PLD1: variants seen among roughly 807,000 people sequenced by gnomAD.
The protein encoded by PLD1 is choline phosphatase 1.
PLD1 carries 112 observed loss-of-function variants against 137.1 expected under a neutral mutation model. The observed-to-expected ratio is 0.82, with a 90% CI of 0.70 to 0.96. The LOEUF is 0.96. PLD1 is among the 40% of genes least tolerant of loss of function. The probability of loss-of-function intolerance (pLI) is 0.00; values close to 1 mark genes in which losing one functional copy is unlikely to be tolerated. For synonymous variants in PLD1, 431 were observed against 454.7 expected (o/e 0.95, Z 0.66); for missense variants, 1,321 against 1,342.0 (o/e 0.98, Z 0.24).
intron 1 of PLD1, among the ~76,000 whole-genome samples, chr3:171,800,412 T>C (rs1207289924): frequency 1.3e-5 from 2 of 152,172 alleles, no homozygotes; most frequent in Non-Finnish European, 1.5e-5. Context: ...TTTCACCATG[T>C]TGGCCAGGCT....
At chr3:171,608,582 A>G (rs1203197052) in intron 25 of PLD1, among the ~76,000 whole-genome samples, 1 of 152,212 alleles carries the variant, frequency 6.6e-6, no homozygotes. Context: ...CAGACTTTCA[A>G]TATGGCATAA....
At chr3:171,705,100 G>A (rs974387503) in intron 11 of PLD1, among the ~76,000 whole-genome samples, 4 of 152,166 alleles carry the variant, frequency 2.6e-5, no homozygotes, top group African/African-American at 4.8e-5. Flanking sequence ...AACAGGCTGG[G>A]GACCAGTTTG....
chr3:171,686,778 T>C lies in PLD1; in HGVS notation c.1774A>G (p.Ser592Gly). 6.4e-7 allele frequency: 1 copy of C among 1,551,774 alleles called. No homozygotes were observed. Among genetic ancestry groups the C allele is most frequent in the East Asian group, 2.2e-5 (1 of 44,448 alleles). The change falls in exon 16 of 27, where the codon AGT becomes GGT. Residue 592 changes from serine to glycine, a missense_variant. Physicochemically the swap from Ser to Gly is moderately conservative, Grantham distance 56. Transcript: ENST00000351298. ...STSSYFNHYR[S>G]HHNLIHGLKP... ...AAACCATGGATTAAATTGTGATGAC[T>C]TCTATAGTGATTAAAATAACCTAGA... is the stretch of plus-strand genomic sequence containing the variant.
chr3:171,681,160 A>G (rs983582155), intron 16 of PLD1, among the ~76,000 whole-genome samples: 1 of 152,226 alleles, frequency 6.6e-6, no homozygotes, highest in Non-Finnish European at 1.5e-5. Flanking sequence ...AGCTCATTTC[A>G]TAACTCACAG....
intron 11 of PLD1, among the ~76,000 whole-genome samples, 159 bp downstream of exon 11, chr3:171,708,596 C>T (rs1282996094): frequency 6.6e-6 from 1 of 152,094 alleles, no homozygotes; most frequent in Non-Finnish European, 1.5e-5. Context: ...TTTGAAAAGG[C>T]CTTTCACTGA....
chr3:171,737,815 T>C, intron 2 of PLD1, 77 bp downstream of exon 2: 2 of 1,477,044 alleles, frequency 1.4e-6, no homozygotes, highest in East Asian at 2.3e-5. Flanking sequence ...AATCATTTGC[T>C]GGTTACTTCA....
At chr3:171,786,049 T>A (rs1445600043) in intron 1 of PLD1, among the ~76,000 whole-genome samples, 2 of 152,184 alleles carry the variant, frequency 1.3e-5, no homozygotes, top group Non-Finnish European at 2.9e-5. Flanking sequence ...GTTTCTTGGG[T>A]TGACTTTCCA....
At chr3:171,614,507 T>C (rs1007439266) in intron 24 of PLD1, among the ~76,000 whole-genome samples, 10 of 152,228 alleles carry the variant, frequency 6.6e-5, no homozygotes, top group Admixed American at 6.5e-4. Flanking sequence ...GCTCTACAAA[T>C]GTTAATTATT....
At chr3:171,727,870 G>C (rs1487599090) in intron 6 of PLD1, among the ~76,000 whole-genome samples, 2 of 152,132 alleles carry the variant, frequency 1.3e-5, no homozygotes, top group Non-Finnish European at 2.9e-5. Flanking sequence ...TCCTTGTAAG[G>C]TTCATTTAAA....
rs372315428 is a variant in PLD1, at chr3:171,685,088, G to A, written c.1867+1597C>T. On this transcript the variant is annotated intron_variant, in intron 16 of 26. Coordinates refer to ENST00000351298, the MANE Select transcript of PLD1 (RefSeq NM_002662.5). ...GATGGCTTTGAATGTGGCCCAACACGAATTCACAAACTTTCTTAAACATTG... is the reference window on the plus strand; with the variant it reads ...GATGGCTTTGAATGTGGCCCAACACAAATTCACAAACTTTCTTAAACATTG... 6.5e-4 allele frequency among the ~76,000 whole-genome samples: 99 copies of A among 152,280 alleles called. 1 individual carries two copies. The Middle Eastern group carries it at 0.01, about 16-fold the overall frequency.
intron 23 of PLD1, among the ~76,000 whole-genome samples, chr3:171,625,536 C>G: frequency 6.6e-6 from 1 of 152,314 alleles, no homozygotes; most frequent in East Asian, 1.9e-4. Flanking sequence ...GATCTGAGAA[C>G]GGGCAGACTG....
chr3:171,651,083 T>G (rs1736718897), intron 21 of PLD1, among the ~76,000 whole-genome samples: 1 of 152,136 alleles, frequency 6.6e-6, no homozygotes, highest in Non-Finnish European at 1.5e-5. Flanking sequence ...CTCCTCAGCA[T>G]GAAGGACAGT....
intron 1 of PLD1, among the ~76,000 whole-genome samples, chr3:171,779,782 C>T (rs775258732): frequency 6.7e-6 from 1 of 150,212 alleles, no homozygotes; most frequent in African/African-American, 2.5e-5. Flanking sequence ...AGATTCAGGA[C>T]TGGAATTTGT....
At chr3:171,672,495 ATTT>A (rs58654667) in intron 19 of PLD1, among the ~76,000 whole-genome samples, 1 of 136,076 alleles carries the variant, frequency 7.3e-6, no homozygotes. Flanking sequence ...TTTTATTTTT[ATTT>A]TTTTTTTTTG....
intron 19 of PLD1, among the ~76,000 whole-genome samples, chr3:171,664,524 C>G (rs1243145515): frequency 1.3e-5 from 2 of 150,608 alleles, no homozygotes; most frequent in Admixed American, 6.6e-5. Flanking sequence ...GTGGCATGAT[C>G]TCAGCTCACT....
At chr3:171,698,811 C>CAAAAAA (rs11359377) in intron 12 of PLD1, among the ~76,000 whole-genome samples, 12 of 103,918 alleles carry the variant, frequency 1.2e-4, no homozygotes, top group East Asian at 3.0e-4. Flanking sequence ...TACAAAAATA[C>CAAAAAA]AAAAAAAAAA....
chr3:171,755,917 C>T (rs962718194), intron 1 of PLD1, among the ~76,000 whole-genome samples: 12 of 152,208 alleles, frequency 7.9e-5, no homozygotes, highest in Non-Finnish European at 4.4e-5. Flanking sequence ...CCACAAAACA[C>T]TCCCTCTTCC....
At chr3:171,755,732 G>C (rs150990387) in intron 1 of PLD1, among the ~76,000 whole-genome samples, 1 of 152,178 alleles carries the variant, frequency 6.6e-6, no homozygotes, top group South Asian at 2.1e-4. Flanking sequence ...CCTGAAGAGA[G>C]AGGCCATCTC....
chr3:171,670,770 G>T (rs1004290752), intron 19 of PLD1, among the ~76,000 whole-genome samples: 3 of 152,102 alleles, frequency 2.0e-5, no homozygotes, highest in Admixed American at 6.5e-5. Context: ...AAGATCCATA[G>T]AAACAAGTTT....
Sources: allele counts gnomAD v4.1 joint callset (sites outside exome capture counted in the v4.1 genomes callset), GRCh38; gene constraint gnomAD v4.1.1; transcripts MANE v1.5; gene names NCBI Gene and HGNC (gene_info 2026-07-23, HGNC 2026-07-21).